The following GRID1 variants were observed in gnomAD, a reference collection of about 807,000 sequenced individuals.
GRID1 encodes the protein glutamate receptor ionotropic, delta-1.
Under a neutral mutation model 98.0 loss-of-function variants are expected in GRID1, and 28 were observed. That is an observed-to-expected ratio of 0.29 (90% CI 0.21 to 0.39). The LOEUF (loss-of-function observed/expected upper bound fraction) is 0.39, where lower values mean the gene tolerates loss of function less well. Ranked by LOEUF, GRID1 falls within the 10% of genes least tolerant of loss-of-function variation. The pLI is 1.00. For missense variants in GRID1, 1,111 were observed against 1,340.5 expected, an observed-to-expected ratio of 0.83 and a Z score of 2.67; for synonymous variants, 553 against 538.5, an observed-to-expected ratio of 1.03 and a Z score of -0.37.
At chr10:86,224,202 C>T (rs1007183280) in intron 2 of GRID1, among the ~76,000 whole-genome samples, 4 of 152,182 alleles carry the variant, frequency 2.6e-5, no homozygotes, top group Non-Finnish European at 5.9e-5. Context: ...ATGCACACAC[C>T]TATTTTCTGC....
chr10:86,022,637 G>T (rs1843064721), intron 4 of GRID1, among the ~76,000 whole-genome samples: 2 of 151,932 alleles, frequency 1.3e-5, no homozygotes, highest in African/African-American at 2.4e-5. Flanking sequence ...TCCTTTTTTG[G>T]CCAGGTGCAG....
chr10:85,823,416 T>A (rs975731507), intron 8 of GRID1, among the ~76,000 whole-genome samples: 3 of 151,782 alleles, frequency 2.0e-5, no homozygotes, highest in Non-Finnish European at 4.4e-5. Context: ...TAGAATCTAA[T>A]TAAAATATAT....
intron 2 of GRID1, among the ~76,000 whole-genome samples, chr10:86,222,562 G>C (rs1387467277): frequency 6.6e-6 from 1 of 152,108 alleles, no homozygotes; most frequent in Admixed American, 6.5e-5. Flanking sequence ...TGGGGAGCAG[G>C]CCTGTTCACT....
chr10:85,828,632 C>CG (rs961197285), intron 8 of GRID1, among the ~76,000 whole-genome samples: 4 of 149,044 alleles, frequency 2.7e-5, no homozygotes, highest in Non-Finnish European at 4.5e-5. Context: ...AACTGAAATG[C>CG]AAAAAAAAAC....
At chr10:86,344,907 G>A (rs528689721) in intron 2 of GRID1, among the ~76,000 whole-genome samples, 2 of 152,342 alleles carry the variant, frequency 1.3e-5, no homozygotes, top group East Asian at 1.9e-4. Context: ...CCTGGGAAGG[G>A]AGCAGCACCG....
chr10:86,039,654 C>G (rs1843318865), intron 4 of GRID1, among the ~76,000 whole-genome samples: 1 of 152,154 alleles, frequency 6.6e-6, no homozygotes, highest in Non-Finnish European at 1.5e-5. Flanking sequence ...GAGGCCCAGG[C>G]TGGGATCCCC....
At chr10:85,959,674 T>C (rs1186554122) in intron 4 of GRID1, among the ~76,000 whole-genome samples, 2 of 152,214 alleles carry the variant, frequency 1.3e-5, no homozygotes, top group African/African-American at 4.8e-5. Context: ...CATAATGTTT[T>C]TGAGATTCAT....
In GRID1 at chr10:86,061,214, C is replaced by T. The variant is rs1304822764; in HGVS notation, c.726+77605G>A. On this transcript the variant is annotated intron_variant, in intron 4 of 15. Coordinates refer to ENST00000327946, the MANE Select transcript of GRID1 (RefSeq NM_017551.3). The stretch of plus-strand genomic sequence containing the variant: ...CCAATTACCTTCCAGCAGCTCCGAG[C>T]AGCTCCACCACTTGAATTGCCAAAG... Among the ~76,000 whole-genome samples, 3 of 152,316 alleles carry T rather than the reference C, an allele frequency of 2.0e-5. No homozygotes were observed. The East Asian group carries it at 5.8e-4, about 29-fold the overall frequency.
intron 8 of GRID1, among the ~76,000 whole-genome samples, chr10:85,799,702 A>G (rs968531699): frequency 6.6e-6 from 1 of 152,066 alleles, no homozygotes; most frequent in African/African-American, 2.4e-5. Context: ...AGTGGTTACC[A>G]AAGTTGGGAG....
intron 4 of GRID1, among the ~76,000 whole-genome samples, chr10:86,044,942 A>C (rs1478485709): frequency 2.6e-5 from 4 of 152,248 alleles, no homozygotes; most frequent in Non-Finnish European, 2.9e-5. Context: ...AGAATCACAC[A>C]AACTCATTGC....
Position 85,836,152 on chromosome 10 carries a change from G to A in GRID1, c.1233+18344C>T, listed in dbSNP as rs1214442257. ...AAAAAGCAAAATAAATTCAAAGCAA[G>A]CAGAAATAAAAGATGAGAGCAGAAA... On this transcript the variant is annotated intron_variant, in intron 8 of 15. Coordinates refer to ENST00000327946, the MANE Select transcript of GRID1 (RefSeq NM_017551.3). Among the ~76,000 whole-genome samples, 9 of 151,778 alleles carry A rather than the reference G, an allele frequency of 5.9e-5. No homozygotes were observed. The South Asian group carries it at 1.5e-3, about 25-fold the overall frequency.
At chr10:86,314,395 C>T (rs1847871361) in intron 2 of GRID1, among the ~76,000 whole-genome samples, 1 of 152,248 alleles carries the variant, frequency 6.6e-6, no homozygotes, top group African/African-American at 2.4e-5. Flanking sequence ...ATCCCTGAGA[C>T]AAGGGCTCCT....
Position 85,712,460 on chromosome 10 carries a change from C to A in GRID1, c.1997+10543G>T, listed in dbSNP as rs189985720. Among the ~76,000 whole-genome samples, 9 of 151,796 alleles carry A rather than the reference C, an allele frequency of 5.9e-5. 1 individual carries two copies. The highest frequency in any genetic ancestry group is 2.0e-4 in the Admixed American group (3 of 15,268). On this transcript the variant is annotated intron_variant, in intron 12 of 15. Transcript: ENST00000327946. ...TTGACAAAACTGAAGGGAGAAATAGCGATACAAGAATACTTGGGGACATCA... is the reference window on the plus strand; with the variant it reads ...TTGACAAAACTGAAGGGAGAAATAGAGATACAAGAATACTTGGGGACATCA...
At chr10:86,126,567 C>G (rs1466666161) in intron 4 of GRID1, among the ~76,000 whole-genome samples, 1 of 152,244 alleles carries the variant, frequency 6.6e-6, no homozygotes, top group African/African-American at 2.4e-5. Context: ...GGGCTCGCTT[C>G]ACACTATTCT....
At chr10:86,092,819 A>G (rs887745418) in intron 4 of GRID1, among the ~76,000 whole-genome samples, 2 of 152,264 alleles carry the variant, frequency 1.3e-5, no homozygotes, top group Non-Finnish European at 1.5e-5. Context: ...ACAGCACTAG[A>G]CAGGTCATCA....
At chr10:85,849,035 AT>A (rs1487229799) in intron 8 of GRID1, among the ~76,000 whole-genome samples, 2 of 152,044 alleles carry the variant, frequency 1.3e-5, no homozygotes, top group East Asian at 1.9e-4. Context: ...CTCCACCCAT[AT>A]CCCCCTCCTC....
chr10:86,209,556 A>G (rs2814322), intron 2 of GRID1, among the ~76,000 whole-genome samples: 120,873 of 152,200 alleles, frequency 0.79, 48,050 homozygotes, highest in East Asian at 0.89. Context: ...CAGAAAGCAC[A>G]CCCATGAAAA....
intron 4 of GRID1, among the ~76,000 whole-genome samples, chr10:86,128,683 GC>G (rs1162039043): frequency 1.3e-5 from 2 of 152,176 alleles, no homozygotes; most frequent in Admixed American, 1.3e-4. Context: ...CAGGTCACCA[GC>G]CCAATCCCTG....
In GRID1 at chr10:86,226,900, G is replaced by C. The variant is rs80302201; in HGVS notation, c.236-20252C>G. On this transcript the variant is annotated intron_variant, in intron 2 of 15. Transcript: ENST00000327946. The stretch of plus-strand genomic sequence containing the variant: ...CAAAGGCCACCTGGAGACAACTGCA[G>C]GGAATTACCAGGCCTCAGCCTTGCT... 5.4e-3 allele frequency among the ~76,000 whole-genome samples: 819 copies of C among 152,148 alleles called. 1 individual carries two copies. Among genetic ancestry groups the C allele is most frequent in the Non-Finnish European group, 9.6e-3 (656 of 68,022 alleles).
Sources: allele counts gnomAD v4.1 joint callset (sites outside exome capture counted in the v4.1 genomes callset), GRCh38; gene constraint gnomAD v4.1.1; transcripts MANE v1.5; gene names NCBI Gene and HGNC (gene_info 2026-07-23, HGNC 2026-07-21).